The following WNK3 variants were observed in gnomAD, a reference collection of about 807,000 sequenced individuals.
WNK3 encodes the protein WNK lysine deficient protein kinase 3.
In WNK3, 18 loss-of-function variants were observed where a neutral mutation model predicts 116.7. That is an observed-to-expected ratio of 0.15 (90% CI 0.11 to 0.23). The LOEUF (loss-of-function observed/expected upper bound fraction) is 0.23, where lower values mean the gene tolerates loss of function less well. Ranked by LOEUF, WNK3 falls within the 10% of genes least tolerant of loss-of-function variation. The pLI is 1.00. For synonymous variants in WNK3, 404 were observed against 469.4 expected (o/e 0.86, Z 1.80); for missense variants, 993 against 1,323.8 (o/e 0.75, Z 3.88).
intron 10 of WNK3, among the ~76,000 whole-genome samples, chrX:54,284,220 G>A (rs997841313): frequency 9.9e-5 from 11 of 111,499 alleles, no homozygotes; most frequent in African/African-American, 3.6e-4. Context: ...AGACAAACAT[G>A]AGCAAATAAA....
intron 10 of WNK3, among the ~76,000 whole-genome samples, chrX:54,272,493 G>A (rs1279877963): frequency 9.0e-6 from 1 of 111,226 alleles, no homozygotes; most frequent in Non-Finnish European, 1.9e-5. Flanking sequence ...GAGGGAGGAA[G>A]GAAGTAAGGA....
chrX:54,324,897 T>C (rs2069080950), intron 2 of WNK3, among the ~76,000 whole-genome samples: 1 of 112,451 alleles, frequency 8.9e-6, no homozygotes, highest in South Asian at 3.7e-4. Context: ...TTCAACTGTT[T>C]TCGTATCTAA....
At chrX:54,273,290 T>C (rs782533171) in intron 10 of WNK3, among the ~76,000 whole-genome samples, 1 of 112,318 alleles carries the variant, frequency 8.9e-6, no homozygotes, top group South Asian at 3.7e-4. Flanking sequence ...ACAGAAATTA[T>C]TACTTTAAAA....
chrX:54,235,516 AC>A (rs1403251386), intron 20 of WNK3, among the ~76,000 whole-genome samples: 1 of 110,927 alleles, frequency 9.0e-6, no homozygotes, highest in Non-Finnish European at 1.9e-5. Context: ...CAAACTCCTG[AC>A]CTCAGGTGAT....
intron 1 of WNK3, among the ~76,000 whole-genome samples, chrX:54,352,398 GC>G (rs1557178649): frequency 1.8e-5 from 2 of 111,191 alleles, no homozygotes; most frequent in African/African-American, 6.5e-5. Flanking sequence ...ATAGGGCCAG[GC>G]ACAGTGGTTC....
rs782056542 is a variant in WNK3, at chrX:54,199,274, C to T, written c.5074-621G>A. ...CCAGAAACCTAGCCTTAATACCTCC[C>T]CTTCACCATACATCCATTCCATCAC... On this transcript the variant is annotated intron_variant, in intron 23 of 23. Transcript: ENST00000354646. Among the ~76,000 whole-genome samples the T allele has an allele frequency of 5.4e-5, 6 of 110,201 alleles. No individual in the cohort carries two copies. The South Asian group carries it at 2.4e-3, about 44-fold the overall frequency.
At chrX:54,345,785 C>CAA (rs372848363) in intron 1 of WNK3, among the ~76,000 whole-genome samples, 3 of 40,457 alleles carry the variant, frequency 7.4e-5, no homozygotes, top group African/African-American at 2.8e-4. Flanking sequence ...GACTCAGTAT[C>CAA]AAAAAAAAAA....
At chrX:54,276,066 G>A (rs868992078) in intron 10 of WNK3, among the ~76,000 whole-genome samples, 15 of 111,280 alleles carry the variant, frequency 1.3e-4, no homozygotes, top group African/African-American at 4.9e-4. Flanking sequence ...TAGGCTGGGC[G>A]CGGTGGCTCA....
rs782719607 is a variant in WNK3 at position 54,235,250 on chromosome X, AT to A, written c.4628+1687del. ...CTTGAACGTAGCATCCAAGTGGAGCATTATTCAAGCTTGTAAGAACTTGACT... is the reference window on the plus strand; with the variant it reads ...CTTGAACGTAGCATCCAAGTGGAGCATATTCAAGCTTGTAAGAACTTGACT... On this transcript the variant is annotated intron_variant, in intron 20 of 23. Transcript: ENST00000354646. Among the ~76,000 whole-genome samples, 83 of 112,423 alleles carry A rather than the reference AT, an allele frequency of 7.4e-4. 1 individual carries two copies. The South Asian group carries it at 9.5e-3, about 13-fold the overall frequency.
chrX:54,357,424 T>C (rs1189368645), intron 1 of WNK3, among the ~76,000 whole-genome samples: 1 of 110,988 alleles, frequency 9.0e-6, no homozygotes, highest in Non-Finnish European at 1.9e-5. Flanking sequence ...ACTTTCCCCC[T>C]GTTCATTTTC....
chrX:54,243,346 G>A (rs969357646), intron 17 of WNK3, among the ~76,000 whole-genome samples: 2 of 104,812 alleles, frequency 1.9e-5, no homozygotes, highest in African/African-American at 7.0e-5. Flanking sequence ...GCGTGAACCC[G>A]GGAGGCGGAG....
intron 10 of WNK3, among the ~76,000 whole-genome samples, chrX:54,270,236 G>C (rs781869239): frequency 9.1e-6 from 1 of 109,294 alleles, no homozygotes; most frequent in Non-Finnish European, 1.9e-5. Flanking sequence ...CTCCTGTGTA[G>C]GTAGGACTAC....
At chrX:54,237,162 C>G in exon 20 of WNK3, 1 of 1,212,042 alleles carries the variant, frequency 8.3e-7, no homozygotes, top group South Asian at 1.8e-5. Flanking sequence ...CAGAGCTAGG[C>G]TGTTTCCCAG....
At position 54,241,439 on chromosome X, in the gene WNK3, C is replaced by T. The variant is rs375091114; in HGVS notation, c.3652-2340G>A. Among the ~76,000 whole-genome samples the T allele has an allele frequency of 1.5e-4, 17 of 111,322 alleles. No individual in the cohort carries two copies. In the South Asian group the frequency reaches 6.4e-3, roughly 42 times the overall value. ...TACTAAACTCGGCAAACAGAATAGC[C>T]AAGGAAATAGCATTAATAACACAGA... On this transcript the variant is annotated intron_variant, in intron 17 of 23. Transcript: ENST00000354646.
In WNK3 at chrX:54,208,630, C is replaced by G. The variant is rs1220534548; in HGVS notation, c.4871-6437G>C. ...GCTCAAGTGATCTGCCTGCCTTGGCCTCCCAAAGTGCTGGGAGTACAGGCA... is the reference window on the plus strand; with the variant it reads ...GCTCAAGTGATCTGCCTGCCTTGGCGTCCCAAAGTGCTGGGAGTACAGGCA... On this transcript the variant is annotated intron_variant, in intron 22 of 23. Coordinates refer to ENST00000354646, the Ensembl canonical transcript of WNK3. Among the ~76,000 whole-genome samples the G allele has an allele frequency of 2.7e-5, 3 of 111,835 alleles. No homozygotes were observed. In the East Asian group the frequency reaches 8.4e-4, roughly 31 times the overall value.
chrX:54,240,234 C>T (rs1326598919), intron 17 of WNK3, among the ~76,000 whole-genome samples: 6 of 108,568 alleles, frequency 5.5e-5, no homozygotes, highest in Admixed American at 9.9e-5. Context: ...AACCCGGAGG[C>T]GGAGGTTGCA....
chrX:54,276,962 C>T (rs1428244636), intron 10 of WNK3, among the ~76,000 whole-genome samples: 2 of 112,278 alleles, frequency 1.8e-5, no homozygotes, highest in African/African-American at 6.5e-5. Context: ...GGTTATCCAC[C>T]TGTCTCGGCC....
chrX:54,193,550 C>A (rs2067418511), exon 24 of WNK3: 1 of 110,637 alleles, frequency 9.0e-6, no homozygotes, highest in Non-Finnish European at 1.9e-5. Flanking sequence ...AGAATAGGAG[C>A]TATTGGTTTG....
At chrX:54,255,108 T>C (rs1557155208) in intron 12 of WNK3, among the ~76,000 whole-genome samples, 2 of 109,820 alleles carry the variant, frequency 1.8e-5, no homozygotes, top group African/African-American at 6.6e-5. Context: ...GCCTCCCGAG[T>C]AGTTGGGATT....
Sources: gnomAD v4.1 joint callset for allele counts (sites outside exome capture counted in the v4.1 genomes callset) on GRCh38, gnomAD v4.1.1 for gene constraint, MANE v1.5 for transcripts, NCBI Gene and HGNC (gene_info 2026-07-23, HGNC 2026-07-21) for gene names.